Variants in GATA4 observed in about 807,000 individuals in gnomAD.
GATA4 encodes the protein GATA binding protein 4.
In GATA4, 7 loss-of-function variants were observed where a neutral mutation model predicts 37.9. The ratio of observed to expected loss-of-function variants is 0.18; its 90% CI spans 0.11 to 0.35. GATA4 has a LOEUF of 0.35. Among genes scored for constraint, GATA4 ranks in the 10% least tolerant of loss-of-function variants. GATA4 has a pLI of 1.00. For synonymous variants in GATA4, 372 were observed against 292.6 expected (o/e 1.27, Z -2.77); for missense variants, 647 against 653.0 (o/e 0.99, Z 0.10).
upstream of GATA4, among the ~76,000 whole-genome samples, chr8:11,690,299 A>T (rs948099611): frequency 6.6e-6 from 1 of 152,256 alleles, no homozygotes; most frequent in African/African-American, 2.4e-5. Flanking sequence ...TTTACACTGT[A>T]ATAGGACAAA....
chr8:11,748,074 C>T (rs973120049), intron 2 of GATA4, among the ~76,000 whole-genome samples: 4 of 152,104 alleles, frequency 2.6e-5, no homozygotes, highest in African/African-American at 7.2e-5. Context: ...CAAAATTAGC[C>T]GTGTGTGGTG....
chr8:11,748,905 C>T lies in GATA4; in HGVS notation c.617-11C>T. The T allele has an allele frequency of 1.2e-6, 2 of 1,614,176 alleles. No homozygotes were observed. Among genetic ancestry groups the T allele is most frequent in the Non-Finnish European group, 1.7e-6 (2 of 1,179,988 alleles). ...CTCTGTGTCTTTTCTTGTCTGTTCC[C>T]CCCAACTCAGTAGATATGTTTGACG... On this transcript the variant is annotated splice_polypyrimidine_tract_variant and intron_variant, in intron 2 of 6. Transcript: ENST00000532059.
intron 1 of GATA4, among the ~76,000 whole-genome samples, chr8:11,680,328 G>T (rs541314429): frequency 6.6e-6 from 1 of 152,360 alleles, no homozygotes; most frequent in East Asian, 1.9e-4. Flanking sequence ...GGACAGGCGC[G>T]ACAACGGGCC....
intron 2 of GATA4, among the ~76,000 whole-genome samples, chr8:11,722,111 G>C (rs763188831): frequency 4.6e-5 from 7 of 152,116 alleles, no homozygotes; most frequent in Non-Finnish European, 8.8e-5. Flanking sequence ...GCCTCCCAAA[G>C]TGCCAGGATT....
At chr8:11,692,071 C>G, upstream of GATA4, 1 of 985,080 alleles carries the variant, frequency 1.0e-6, no homozygotes, top group Non-Finnish European at 1.2e-6. Flanking sequence ...GCCGTGGGTG[C>G]TTTCCGTAGA....
intron 2 of GATA4, among the ~76,000 whole-genome samples, chr8:11,716,909 A>C (rs1177282943): frequency 1.3e-5 from 2 of 152,252 alleles, no homozygotes; most frequent in Admixed American, 1.3e-4. Context: ...GAAGTATGCT[A>C]GTTTTCCTTT....
intron 1 of GATA4, chr8:11,692,955 C>T: frequency 1.0e-6 from 1 of 985,188 alleles, no homozygotes; most frequent in Non-Finnish European, 1.2e-6. Flanking sequence ...TCAATAAGGC[C>T]TGCCAGGCGC....
At chr8:11,689,869 A>G (rs2129970176), upstream of GATA4, among the ~76,000 whole-genome samples, 3 of 152,342 alleles carry the variant, frequency 2.0e-5, no homozygotes, top group South Asian at 6.2e-4. Context: ...TTAGGAGTCA[A>G]TGTATAGAGG....
At chr8:11,694,532 C>T (rs1252546831) in intron 1 of GATA4, 4 of 984,742 alleles carry the variant, frequency 4.1e-6, no homozygotes, top group African/African-American at 1.7e-5. Context: ...TCCTCTGCTG[C>T]TTAATTAGCA....
intron 2 of GATA4, among the ~76,000 whole-genome samples, chr8:11,722,151 A>G (rs936422061): frequency 5.9e-5 from 9 of 152,160 alleles, no homozygotes; most frequent in African/African-American, 2.2e-4. Flanking sequence ...CCCCACCTAA[A>G]TAAGTTTTTT....
chr8:11,735,702 A>C (rs1801421064), intron 2 of GATA4, among the ~76,000 whole-genome samples: 1 of 152,168 alleles, frequency 6.6e-6, no homozygotes, highest in Non-Finnish European at 1.5e-5. Flanking sequence ...AGCTGGGATT[A>C]CAGGCATGTG....
At chr8:11,677,136 T>A (rs760221965) in intron 1 of GATA4, 2 of 151,836 alleles carry the variant, frequency 1.3e-5, no homozygotes, top group Non-Finnish European at 2.9e-5. Flanking sequence ...ATGGAAGGCT[T>A]GGGGAGTCTC....
intron 2 of GATA4, among the ~76,000 whole-genome samples, chr8:11,744,805 G>A (rs1320039469): frequency 1.3e-5 from 2 of 152,190 alleles, no homozygotes; most frequent in East Asian, 1.9e-4. Context: ...TACTTTGGCT[G>A]TTTTGGTAAC....
intron 2 of GATA4, among the ~76,000 whole-genome samples, chr8:11,727,569 G>A (rs566034002): frequency 3.9e-5 from 6 of 152,296 alleles, no homozygotes; most frequent in African/African-American, 1.4e-4. Context: ...TAGCCTGGGT[G>A]CGGTGGCTCA....
Position 11,758,511 on chromosome 8 carries a change from C to T in GATA4, c.*36C>T, listed in dbSNP as rs1157282474. ...TCCCTCCTCAAATTCCTGCACGGAC[C>T]TGGGACTTGGAGGATAGCAAAGAAG... On this transcript the variant is annotated 3_prime_UTR_variant, in exon 7 of 7. Transcript: ENST00000532059. 6.2e-7 allele frequency: 1 copy of T among 1,609,932 alleles called. No homozygotes were observed. Among genetic ancestry groups the T allele is most frequent in the Non-Finnish European group, 8.5e-7 (1 of 1,176,382 alleles).
chr8:11,710,324 T>C (rs11781500), intron 2 of GATA4, among the ~76,000 whole-genome samples: 14,039 of 152,038 alleles, frequency 0.092, 715 homozygotes, highest in South Asian at 0.13. Flanking sequence ...GCCGCGACTT[T>C]TGCGAGATAG....
At chr8:11,748,182 C>T (rs142132012) in intron 2 of GATA4, among the ~76,000 whole-genome samples, 2,940 of 152,292 alleles carry the variant, frequency 0.019, 64 homozygotes, top group African/African-American at 0.056. Flanking sequence ...CGCACCATTG[C>T]ACTCTAGCCT....
At chr8:11,710,486 C>A (rs1377713301) in intron 2 of GATA4, among the ~76,000 whole-genome samples, 2 of 150,704 alleles carry the variant, frequency 1.3e-5, no homozygotes, top group African/African-American at 2.4e-5. Context: ...TCGAGACCAT[C>A]CTGGCCAACC....
At chr8:11,729,522 C>T (rs1801102037) in intron 2 of GATA4, among the ~76,000 whole-genome samples, 1 of 151,142 alleles carries the variant, frequency 6.6e-6, no homozygotes, top group Non-Finnish European at 1.5e-5. Context: ...TGCCACTGCA[C>T]TCCAGCCTGG....
Sources: allele counts gnomAD v4.1 joint callset (sites outside exome capture counted in the v4.1 genomes callset), GRCh38; gene constraint gnomAD v4.1.1; transcripts MANE v1.5; gene names NCBI Gene and HGNC (gene_info 2026-07-23, HGNC 2026-07-21).